The following LINGO2 variants were observed in gnomAD, a reference collection of about 807,000 sequenced individuals.
The protein encoded by LINGO2 is leucine rich repeat and Ig domain containing 2, also known as leucine-rich repeat and immunoglobulin-like domain-containing nogo receptor-interacting protein 2.
LINGO2 carries 14 observed loss-of-function variants against 30.6 expected under a neutral mutation model. The observed-to-expected ratio is 0.46, with a 90% CI of 0.30 to 0.72. The LOEUF is 0.72. LINGO2 is among the 30% of genes least tolerant of loss of function. The probability of loss-of-function intolerance (pLI) is 0.07; values close to 1 mark genes in which losing one functional copy is unlikely to be tolerated. For synonymous variants in LINGO2, 317 were observed against 288.5 expected, an observed-to-expected ratio of 1.10 and a Z score of -1.00; for missense variants, 729 against 751.7, an observed-to-expected ratio of 0.97 and a Z score of 0.35.
chr9:28,535,703 C>A (rs897194756), intron 1 of LINGO2, among the ~76,000 whole-genome samples: 6 of 145,962 alleles, frequency 4.1e-5, no homozygotes, highest in African/African-American at 1.5e-4. Flanking sequence ...TACGTGCATG[C>A]ACACACACAC....
intron 2 of LINGO2, among the ~76,000 whole-genome samples, chr9:28,463,427 G>C (rs1564215055): frequency 6.6e-6 from 1 of 152,006 alleles, no homozygotes; most frequent in South Asian, 2.1e-4. Flanking sequence ...AGAAAAATGA[G>C]AAAAGTGTTC....
At chr9:28,712,397 T>G in the LINGO2 span, among the ~76,000 whole-genome samples, 1 of 151,832 alleles carries the variant, frequency 6.6e-6, no homozygotes, top group South Asian at 2.1e-4. Flanking sequence ...AAGAACATAG[T>G]TTTACAAAGC....
intron 5 of LINGO2, among the ~76,000 whole-genome samples, chr9:27,981,200 TTC>T (rs1028377447): frequency 1.1e-4 from 17 of 151,712 alleles, no homozygotes; most frequent in Non-Finnish European, 1.8e-4. Context: ...CTGCCTCTGT[TTC>T]TCTCTCTCTG....
At chr9:28,092,246 C>T (rs34830002) in intron 4 of LINGO2, among the ~76,000 whole-genome samples, 13,444 of 152,128 alleles carry the variant, frequency 0.088, 825 homozygotes, top group Middle Eastern at 0.17. Flanking sequence ...CACATGCACA[C>T]GTATTTTTAT....
chr9:29,167,653 C>G, the LINGO2 span, among the ~76,000 whole-genome samples: 3 of 152,048 alleles, frequency 2.0e-5, no homozygotes, highest in Admixed American at 1.3e-4. Context: ...TATCTTAAAG[C>G]CATTAGAATC....
chr9:28,564,299 T>A (rs1180522335), intron 1 of LINGO2, among the ~76,000 whole-genome samples: 1 of 151,932 alleles, frequency 6.6e-6, no homozygotes, highest in Admixed American at 6.6e-5. Flanking sequence ...AAGATTAGAG[T>A]CATACATAAG....
intron 2 of LINGO2, among the ~76,000 whole-genome samples, chr9:28,475,092 T>C (rs1023581827): frequency 3.3e-5 from 5 of 152,060 alleles, no homozygotes; most frequent in African/African-American, 4.8e-5. Context: ...AGAGAGCCAA[T>C]TAGTCTCTCA....
chr9:28,917,522 G>A, the LINGO2 span, among the ~76,000 whole-genome samples: 3 of 151,150 alleles, frequency 2.0e-5, no homozygotes, highest in African/African-American at 4.9e-5. Flanking sequence ...GTGGGATCTC[G>A]GCTCACTGCA....
At chr9:28,394,136 G>T (rs1223035079) in intron 2 of LINGO2, among the ~76,000 whole-genome samples, 2 of 152,150 alleles carry the variant, frequency 1.3e-5, no homozygotes, top group Non-Finnish European at 2.9e-5. Flanking sequence ...ATTCGCCCAG[G>T]TAAGGGTAGC....
At chr9:28,479,932 T>C (rs1587730035) in intron 1 of LINGO2, among the ~76,000 whole-genome samples, 3 of 117,448 alleles carry the variant, frequency 2.6e-5, no homozygotes, top group African/African-American at 8.7e-5. Context: ...TATATATATA[T>C]ATATATATAT....
At chr9:28,587,545 C>A (rs1824620827) in intron 1 of LINGO2, among the ~76,000 whole-genome samples, 2 of 151,870 alleles carry the variant, frequency 1.3e-5, no homozygotes, top group African/African-American at 4.8e-5. Context: ...ACCTTGGCTA[C>A]CTGACTGTAG....
At chr9:28,305,187 T>C (rs1305181895) in intron 3 of LINGO2, among the ~76,000 whole-genome samples, 1 of 152,068 alleles carries the variant, frequency 6.6e-6, no homozygotes, top group Non-Finnish European at 1.5e-5. Context: ...CAATTCCTCA[T>C]AAAAACTTTA....
chr9:28,887,154 T>C, the LINGO2 span, among the ~76,000 whole-genome samples: 1 of 152,162 alleles, frequency 6.6e-6, no homozygotes, highest in Non-Finnish European at 1.5e-5. Context: ...GCTTGTCAGT[T>C]TCTAACCCCA....
intron 1 of LINGO2, among the ~76,000 whole-genome samples, chr9:28,620,258 A>G (rs1342620996): frequency 1.3e-5 from 2 of 152,100 alleles, no homozygotes; most frequent in Non-Finnish European, 2.9e-5. Flanking sequence ...AGGTAAGTAA[A>G]CTGTGTTATT....
the LINGO2 span, among the ~76,000 whole-genome samples, chr9:28,800,086 A>C: frequency 6.6e-6 from 1 of 152,102 alleles, no homozygotes; most frequent in African/African-American, 2.4e-5. Context: ...TGAAAGGATG[A>C]GCAGAATCAA....
intron 2 of LINGO2, among the ~76,000 whole-genome samples, chr9:28,428,955 T>C (rs1823531404): frequency 2.0e-5 from 3 of 152,188 alleles, no homozygotes; most frequent in Admixed American, 2.0e-4. Context: ...TATAAACAGG[T>C]AGCTCTAAGT....
the LINGO2 span, among the ~76,000 whole-genome samples, chr9:29,067,192 A>C: frequency 1.3e-5 from 2 of 151,834 alleles, no homozygotes; most frequent in Non-Finnish European, 3.0e-5. Flanking sequence ...TTGGATTGCT[A>C]CATTCCTTAA....
At chr9:28,636,388 G>A (rs949061199) in intron 1 of LINGO2, among the ~76,000 whole-genome samples, 1 of 152,154 alleles carries the variant, frequency 6.6e-6, no homozygotes, top group African/African-American at 2.4e-5. Flanking sequence ...AGATCCCGGA[G>A]GAATCGCCAC....
At position 28,558,321 on chromosome 9, in the gene LINGO2, C is replaced by T. The variant is rs191592823; in HGVS notation, c.-364-82296G>A. Among the ~76,000 whole-genome samples, 370 of 151,954 alleles carry T rather than the reference C, an allele frequency of 2.4e-3. 1 individual carries two copies. Among genetic ancestry groups the T allele is most frequent in the African/African-American group, 7.9e-3 (329 of 41,494 alleles). ...CAGAAGATTCATACATTTTCCTGCT[C>T]GGATGAAACTTGGCTGCCTGGGTTC... On this transcript the variant is annotated intron_variant, in intron 1 of 5. Coordinates refer to ENST00000379992, the Ensembl canonical transcript of LINGO2.
Sources: allele counts gnomAD v4.1 joint callset (sites outside exome capture counted in the v4.1 genomes callset), GRCh38; gene constraint gnomAD v4.1.1; transcripts MANE v1.5; gene names NCBI Gene and HGNC (gene_info 2026-07-23, HGNC 2026-07-21).